Variants in ASPM observed in about 807,000 individuals in gnomAD.
ASPM encodes the protein assembly factor for spindle microtubules.
ASPM carries 256 observed loss-of-function variants against 366.4 expected under a neutral mutation model. The observed-to-expected ratio is 0.70, with a 90% confidence interval of 0.63 to 0.77. The LOEUF (loss-of-function observed/expected upper bound fraction) is 0.77, where lower values mean the gene tolerates loss of function less well. Ranked by LOEUF, ASPM falls within the 30% of genes least tolerant of loss-of-function variation. The pLI is 0.00. For synonymous variants in ASPM, 1,414 were observed against 1,342.9 expected (o/e 1.05, Z -1.16); for missense variants, 4,146 against 4,090.4 (o/e 1.01, Z -0.37).
At position 197,144,587 on chromosome 1, in the gene ASPM, C is replaced by T. The variant is rs149682598; in HGVS notation, c.298-487G>A. ...GGTATTATTGTTCCAGGCATAAGTG[C>T]AGGTATCCTGTAAAACTCATTTAAT... On this transcript the variant is annotated intron_variant, in intron 1 of 27. Coordinates refer to ENST00000367409, the MANE Select transcript of ASPM (RefSeq NM_018136.5). 9.3e-4 allele frequency among the ~76,000 whole-genome samples: 141 copies of T among 152,260 alleles called. 2 individuals are homozygous for T. The East Asian group carries it at 0.02, about 22-fold the overall frequency.
intron 7 of ASPM, 78 bp from the exon 8 acceptor site, chr1:197,130,134 C>A: frequency 6.8e-7 from 1 of 1,466,068 alleles, no homozygotes; most frequent in Non-Finnish European, 9.5e-7. Flanking sequence ...AATGGCAGAC[C>A]ATAACCTAAG....
intron 25 of ASPM, among the ~76,000 whole-genome samples, chr1:197,089,322 T>C (rs1333583479): frequency 6.6e-6 from 1 of 151,992 alleles, no homozygotes; most frequent in African/African-American, 2.4e-5. Flanking sequence ...ACAATATAGT[T>C]TGGAATAGTC....
Position 197,101,183 on chromosome 1 carries a change from G to C in ASPM, c.8068C>G (p.Arg2690Gly). ...KVRKDIQNMH[R>G]AATLIQSFYR... ...AATGACTGAATTAGTGTGGCAGCCC[G>C]GTGCATATTTTGAATATCCTTTCGT... is the stretch of plus-strand genomic sequence containing the variant. Residue 2690 changes from arginine to glycine, a missense_variant, in exon 18 of 28, where the codon CGG becomes GGG. Arg to Gly is a moderately radical substitution (Grantham distance 125, BLOSUM62 -2). Around this residue, in one of 3 missense-constraint regions of ASPM, gnomAD observed 3,624 missense variants for 3,591.7 expected, o/e 1.01. Transcript: ENST00000367409. 6.2e-7 allele frequency: 1 copy of C among 1,612,220 alleles called. No individual in the cohort carries two copies. Among genetic ancestry groups the C allele is most frequent in the Middle Eastern group, 1.7e-4 (1 of 6,040 alleles).
chr1:197,117,377 C>T (rs1309344949), intron 17 of ASPM, among the ~76,000 whole-genome samples: 1 of 151,830 alleles, frequency 6.6e-6, no homozygotes, highest in Non-Finnish European at 1.5e-5. Flanking sequence ...AGTACTATTT[C>T]CTTTACATGC....
chr1:197,109,182 A>G (rs1657506353), intron 17 of ASPM, among the ~76,000 whole-genome samples: 1 of 113,660 alleles, frequency 8.8e-6, no homozygotes. Flanking sequence ...GAGTTGTATA[A>G]AATAATTAAA....
chr1:197,088,530 T>A, intron 25 of ASPM, 98 bp from the exon 26 acceptor site: 1 of 1,195,276 alleles, frequency 8.4e-7, no homozygotes, highest in Non-Finnish European at 1.2e-6. Flanking sequence ...ATACTTAGTA[T>A]AGCCAAATTT....
rs201759056 is a variant in ASPM at position 197,129,355 on chromosome 1, A to G, written c.2630-38T>C. 1,388 of 1,601,740 alleles carry G rather than the reference A, an allele frequency of 8.7e-4. 1 individual carries two copies. Among genetic ancestry groups the G allele is most frequent in the Admixed American group, 1.3e-3 (78 of 59,750 alleles). ...ACAAAAAAGCACAGCAAGTTAATCT[A>G]TGAAAGGTAGGTTTCATCTTAAAAT... On this transcript the variant is annotated intron_variant, in intron 8 of 27. Coordinates refer to ENST00000367409, the MANE Select transcript of ASPM (RefSeq NM_018136.5).
intron 4 of ASPM, among the ~76,000 whole-genome samples, chr1:197,135,623 CTTTTTT>C (rs778898963): frequency 1.4e-5 from 1 of 69,820 alleles, no homozygotes; most frequent in Non-Finnish European, 2.9e-5. Flanking sequence ...AAATATCTGT[CTTTTTT>C]TTTTTTTTTT....
intron 16 of ASPM, among the ~76,000 whole-genome samples, chr1:197,119,174 A>T (rs1422539941): frequency 7.9e-5 from 12 of 152,304 alleles, no homozygotes; most frequent in South Asian, 2.1e-4. Context: ...TATATATTGG[A>T]TCATTCCTCT....
At position 197,103,027 on chromosome 1, in the gene ASPM, C is replaced by T; in HGVS notation, c.6224G>A (p.Arg2075Lys). The change falls in exon 18 of 28, where the codon AGA becomes AAA. Residue 2075 changes from arginine (R) to lysine (K), a missense_variant. Physicochemically the swap from Arg to Lys is conservative, Grantham distance 26 (BLOSUM62 2). Coordinates refer to ENST00000367409, the MANE Select transcript of ASPM (RefSeq NM_018136.5). The stretch of plus-strand genomic sequence containing the variant: ...TGTAATTTTAATACCTCGATACCAT[C>T]TCTGAATTATAATAGCTGAAGCTCT... ...TYRASAIIIQ[R>K]WYRGIKITNH... is the part of the protein sequence containing the mutation. 2 of 1,612,372 alleles carry T rather than the reference C, an allele frequency of 1.2e-6. No individual in the cohort carries two copies. The highest frequency in any genetic ancestry group is 1.7e-6 in the Non-Finnish European group (2 of 1,179,186).
At chr1:197,132,970 G>C (rs1658308521) in intron 6 of ASPM, among the ~76,000 whole-genome samples, 1 of 152,050 alleles carries the variant, frequency 6.6e-6, no homozygotes, top group Non-Finnish European at 1.5e-5. Context: ...CAGAGAATGG[G>C]GTAGAGGGAC....
Position 197,143,752 on chromosome 1 carries a change from C to G in ASPM, c.500G>C (p.Arg167Thr). The G allele has an allele frequency of 1.2e-6, 2 of 1,613,166 alleles. No homozygotes were observed. Among genetic ancestry groups the G allele is most frequent in the South Asian group, 2.2e-5 (2 of 90,750 alleles). Residue 167 changes from arginine to threonine, a missense_variant, in exon 3 of 28, where the codon AGA becomes ACA. This residue lies in a region of ASPM where 512 missense variants were observed against 471.7 expected (regional missense o/e 1.09). Coordinates refer to ENST00000367409, the MANE Select transcript of ASPM (RefSeq NM_018136.5). The part of the protein sequence containing the change: ...KKISASTSHN[R>T]RVSNIQNVNK... ...AACATTCTGAATATTTGAAACCCTTCTGTTGTGACTTGTAGAGGCTGAAAT... is the reference window on the plus strand; with the variant it reads ...AACATTCTGAATATTTGAAACCCTTGTGTTGTGACTTGTAGAGGCTGAAAT...
rs1657166413 is a variant in ASPM at position 197,101,306 on chromosome 1, C to T, written c.7945G>A (p.Ala2649Thr). ...KIRKHYLHLR[A>T]TVVSIQRRYR... Reference sequence around the variant, plus strand: ...CTTCTTTGAATAGAAACTACTGTTGCTCTAAGGTGGAGATAATGCTTCCTT... The same window carrying T: ...CTTCTTTGAATAGAAACTACTGTTGTTCTAAGGTGGAGATAATGCTTCCTT... The change falls in exon 18 of 28, where the codon GCA (alanine) becomes ACA (threonine). Residue 2649 changes from alanine to threonine, a missense_variant. Ala to Thr is a moderately conservative substitution (Grantham distance 58). This residue lies in a region of ASPM where 3,624 missense variants were observed against 3,591.7 expected (regional missense o/e 1.01). Coordinates refer to ENST00000367409, the MANE Select transcript of ASPM (RefSeq NM_018136.5). 6.2e-7 allele frequency: 1 copy of T among 1,611,772 alleles called. No homozygotes were observed. Among genetic ancestry groups the T allele is most frequent in the African/African-American group, 1.3e-5 (1 of 74,758 alleles).
chr1:197,117,753 T>A (rs1217491952), intron 17 of ASPM, 36 bp downstream of exon 17: 1 of 1,562,392 alleles, frequency 6.4e-7, no homozygotes, highest in Non-Finnish European at 8.7e-7. Context: ...GTCATTAAAA[T>A]TTTTTAAATT....
At chr1:197,085,896 G>T (rs780879528) in intron 27 of ASPM, among the ~76,000 whole-genome samples, 1 of 152,090 alleles carries the variant, frequency 6.6e-6, no homozygotes, top group African/African-American at 2.4e-5. Context: ...TATACTGTCA[G>T]TAAATTTTAC....
intron 17 of ASPM, among the ~76,000 whole-genome samples, chr1:197,112,781 T>C (rs1185024053): frequency 6.6e-6 from 1 of 152,164 alleles, no homozygotes; most frequent in Non-Finnish European, 1.5e-5. Context: ...TATTGATTGA[T>C]GTCTCATGTC....
rs147318393 is a variant in ASPM at position 197,104,892 on chromosome 1, A to T, written c.4359T>A (p.Phe1453Leu). Residue 1453 changes from phenylalanine (F) to leucine (L), a missense_variant, in exon 18 of 28, where the codon TTT becomes TTA. Around this residue, in one of 3 missense-constraint regions of ASPM, gnomAD observed 3,624 missense variants for 3,591.7 expected, o/e 1.01. Transcript: ENST00000367409. ...CTTGTTTTCTTAAATGCCATTCTCT[A>T]AAAGCTCTTTGCAATATTACTGTAG... ...VKATVILQRA[F>L]REWHLRKQAK... 6.2e-7 allele frequency: 1 copy of T among 1,609,592 alleles called. No homozygotes were observed. The highest frequency in any genetic ancestry group is 2.2e-5 in the East Asian group (1 of 44,744).
intron 1 of ASPM, among the ~76,000 whole-genome samples, chr1:197,145,173 C>T (rs1292323726): frequency 6.6e-6 from 1 of 152,044 alleles, no homozygotes; most frequent in African/African-American, 2.4e-5. Context: ...TGGTTATTAG[C>T]CTACTAGTTC....
intron 1 of ASPM, 43 bp downstream of exon 1, chr1:197,146,098 G>T: frequency 6.2e-7 from 1 of 1,612,520 alleles, no homozygotes; most frequent in Non-Finnish European, 8.5e-7. Flanking sequence ...AGATAGCGGA[G>T]AAGCAGAACA....
Sources: allele counts gnomAD v4.1 joint callset (sites outside exome capture counted in the v4.1 genomes callset), GRCh38; gene constraint gnomAD v4.1.1; regional missense constraint gnomAD v4.1.1; transcripts MANE v1.5; gene names NCBI Gene and HGNC (gene_info 2026-07-23, HGNC 2026-07-21).